The following IKZF2 variants were observed in gnomAD, a reference collection of about 807,000 sequenced individuals.
The protein encoded by IKZF2 is zinc finger protein Helios.
IKZF2 carries 15 observed loss-of-function variants against 49.2 expected under a neutral mutation model. That is an observed-to-expected ratio of 0.30 (90% CI 0.20 to 0.47). IKZF2 has a LOEUF of 0.47. IKZF2 is among the 20% of genes least tolerant of loss of function. The pLI is 1.00. For synonymous variants in IKZF2, 227 were observed against 221.4 expected (o/e 1.03, Z -0.23); for missense variants, 567 against 664.6 (o/e 0.85, Z 1.61).
intron 4 of IKZF2, among the ~76,000 whole-genome samples, chr2:213,144,275 A>G (rs760309774): frequency 2.0e-5 from 3 of 151,984 alleles, no homozygotes; most frequent in Non-Finnish European, 4.4e-5. Flanking sequence ...TAACAGCTTT[A>G]AAGTAATAGA....
chr2:213,064,679 C>T (rs1225652251), intron 4 of IKZF2, among the ~76,000 whole-genome samples: 1 of 151,962 alleles, frequency 6.6e-6, no homozygotes, highest in Non-Finnish European at 1.5e-5. Flanking sequence ...TTTATCCAAC[C>T]TTTCGATGAA....
chr2:213,147,123 C>T (rs1391485680), intron 4 of IKZF2, among the ~76,000 whole-genome samples: 2 of 152,098 alleles, frequency 1.3e-5, no homozygotes, highest in African/African-American at 4.8e-5. Flanking sequence ...ACTGTCTTTT[C>T]CTACAAATTC....
chr2:213,059,006 TTTC>T, intron 4 of IKZF2, among the ~76,000 whole-genome samples: 1 of 151,856 alleles, frequency 6.6e-6, no homozygotes, highest in African/African-American at 2.4e-5. Flanking sequence ...TTTGAAATTA[TTTC>T]TTGTTTCTTG....
chr2:213,050,586 A>C (rs1012571064), intron 5 of IKZF2, among the ~76,000 whole-genome samples: 2 of 152,258 alleles, frequency 1.3e-5, no homozygotes, highest in Non-Finnish European at 2.9e-5. Context: ...CCTTTAGCAA[A>C]ATTTCCAAAT....
At chr2:213,041,328 T>C (rs1198826952) in intron 6 of IKZF2, among the ~76,000 whole-genome samples, 1 of 135,446 alleles carries the variant, frequency 7.4e-6, no homozygotes, top group East Asian at 2.2e-4. Flanking sequence ...AACTTGACTG[T>C]AATCTTTTTT....
chr2:213,122,829 A>G (rs909243602), intron 4 of IKZF2, among the ~76,000 whole-genome samples: 1 of 152,204 alleles, frequency 6.6e-6, no homozygotes, highest in Non-Finnish European at 1.5e-5. Context: ...GCCACAGGTG[A>G]CCTGGAACAC....
intron 4 of IKZF2, among the ~76,000 whole-genome samples, chr2:213,117,772 C>T (rs901163833): frequency 9.2e-5 from 14 of 152,290 alleles, no homozygotes; most frequent in South Asian, 4.2e-4. Flanking sequence ...AAATGTATTT[C>T]CTCATAGTGT....
intron 4 of IKZF2, among the ~76,000 whole-genome samples, chr2:213,106,044 T>C (rs1483393893): frequency 6.6e-6 from 1 of 152,188 alleles, no homozygotes; most frequent in Non-Finnish European, 1.5e-5. Flanking sequence ...TAAAATATAG[T>C]AACAAAATTA....
At chr2:213,028,904 C>A (rs1371913430) in intron 6 of IKZF2, among the ~76,000 whole-genome samples, 1 of 151,992 alleles carries the variant, frequency 6.6e-6, no homozygotes, top group Admixed American at 6.6e-5. Context: ...AATACTTTTT[C>A]TGAAACTTTA....
At chr2:213,150,753 G>T (rs1221835209) in intron 1 of IKZF2, among the ~76,000 whole-genome samples, 1 of 150,754 alleles carries the variant, frequency 6.6e-6, no homozygotes, top group East Asian at 1.9e-4. Context: ...ACCCAGCTAG[G>T]AACCCAGGCC....
chr2:213,109,523 T>C (rs964702102), intron 4 of IKZF2, among the ~76,000 whole-genome samples: 3 of 152,048 alleles, frequency 2.0e-5, no homozygotes, highest in Non-Finnish European at 4.4e-5. Context: ...AAATTAACTT[T>C]CTGAAAGGTT....
rs1694975454 is a variant in IKZF2, at chr2:213,002,320, T to A, written c.*5040A>T. The A allele has an allele frequency of 6.6e-6, 1 of 151,448 alleles. No homozygotes were observed. The highest frequency in any genetic ancestry group is 2.4e-5 in the African/African-American group (1 of 41,384). 9.4% of individuals were successfully genotyped at this position (151,448 alleles called of 1,614,324 possible). A position where few individuals can be genotyped will look rare whatever the true frequency, so the allele number is the denominator to read the frequency against. The stretch of plus-strand genomic sequence containing the variant: ...CCCATAAACAGAATTATGAACTTAT[T>A]CCTAAGAGTGCAGGTGAAAAATATC... On this transcript the variant is annotated 3_prime_UTR_variant, in exon 9 of 9. Transcript: ENST00000434687.
chr2:213,117,804 C>A (rs1472271623), intron 4 of IKZF2, among the ~76,000 whole-genome samples: 1 of 152,160 alleles, frequency 6.6e-6, no homozygotes, highest in East Asian at 1.9e-4. Flanking sequence ...ATACTATTAA[C>A]CCTACTACAA....
intron 6 of IKZF2, among the ~76,000 whole-genome samples, chr2:213,045,742 A>G (rs935046225): frequency 3.9e-5 from 6 of 152,156 alleles, no homozygotes; most frequent in Admixed American, 3.3e-4. Context: ...TGTAAGTGAG[A>G]AATTGCTGCA....
rs146435885 is a variant in IKZF2 at position 213,004,752 on chromosome 2, A to C, written c.*2608T>G. ...CAAATTTGAATTGACTTTGTCCTCA[A>C]TTGTCCCTGCCACACCCTGAGCCAT... On this transcript the variant is annotated 3_prime_UTR_variant, in exon 9 of 9. Transcript: ENST00000434687. The C allele has an allele frequency of 4.4e-3, 672 of 152,224 alleles. 13 individuals are homozygous for C. The highest frequency in any genetic ancestry group is 0.033 in the East Asian group (168 of 5,156). The allele number at this position is 152,224 out of a possible 1,614,324, so 9.4% of individuals were successfully genotyped here. A position where few individuals can be genotyped will look rare whatever the true frequency, so the allele number is the denominator to read the frequency against.
chr2:213,037,662 A>C (rs925109263), intron 6 of IKZF2, among the ~76,000 whole-genome samples: 4 of 152,220 alleles, frequency 2.6e-5, no homozygotes, highest in Admixed American at 6.5e-5. Context: ...CAAAGCATAC[A>C]GTGAGGCACC....
chr2:213,069,719 G>A (rs535730593), intron 4 of IKZF2, among the ~76,000 whole-genome samples: 65 of 152,140 alleles, frequency 4.3e-4, no homozygotes, highest in African/African-American at 1.5e-3. Flanking sequence ...TTTATCTCCT[G>A]TTCCATTACT....
intron 6 of IKZF2, among the ~76,000 whole-genome samples, chr2:213,028,363 C>G (rs1325911107): frequency 6.6e-6 from 1 of 152,082 alleles, no homozygotes; most frequent in Non-Finnish European, 1.5e-5. Flanking sequence ...GTCTACATTT[C>G]CAAACAAAGT....
intron 4 of IKZF2, among the ~76,000 whole-genome samples, chr2:213,136,384 A>G (rs1179516370): frequency 7.5e-4 from 83 of 110,922 alleles, no homozygotes; most frequent in African/African-American, 2.1e-3. Flanking sequence ...AAAAAAAAAA[A>G]AAAAAAAGAA....
Sources: gnomAD v4.1 joint callset for allele counts (sites outside exome capture counted in the v4.1 genomes callset) on GRCh38, gnomAD v4.1.1 for gene constraint, MANE v1.5 for transcripts, NCBI Gene and HGNC (gene_info 2026-07-23, HGNC 2026-07-21) for gene names.